The following MGAT5 variants were observed in gnomAD, a reference collection of about 807,000 sequenced individuals.
The protein encoded by MGAT5 is alpha-1,6-mannosylglycoprotein 6-beta-N-acetylglucosaminyltransferase A.
In MGAT5, 30 loss-of-function variants were observed where a neutral mutation model predicts 94.3. The observed-to-expected ratio is 0.32, with a 90% CI of 0.24 to 0.43. The LOEUF (loss-of-function observed/expected upper bound fraction) is 0.43. Among genes scored for constraint, MGAT5 ranks in the 20% least tolerant of loss-of-function variants. The pLI, the probability that MGAT5 is intolerant of heterozygous loss-of-function variation, is 1.00. For missense variants in MGAT5, 691 were observed against 905.5 expected, an observed-to-expected ratio of 0.76 and a Z score of 3.04; for synonymous variants, 310 against 322.9, an observed-to-expected ratio of 0.96 and a Z score of 0.43.
chr2:134,437,364 TAA>T (rs1685220158), intron 14 of MGAT5, among the ~76,000 whole-genome samples: 1 of 152,158 alleles, frequency 6.6e-6, no homozygotes, highest in Non-Finnish European at 1.5e-5. Flanking sequence ...GCCAAGTTTC[TAA>T]AGAGTCTTCA....
intron 1 of MGAT5, among the ~76,000 whole-genome samples, chr2:134,169,425 CACACACACACACACATAT>C (rs1341661710): frequency 5.8e-4 from 88 of 151,612 alleles, no homozygotes; most frequent in African/African-American, 2.1e-3. Flanking sequence ...CACACACACA[CACACACACACACACATAT>C]ATAAAAGATT....
chr2:134,394,169 A>T (rs1238848297), intron 10 of MGAT5, among the ~76,000 whole-genome samples: 1 of 152,194 alleles, frequency 6.6e-6, no homozygotes, highest in Non-Finnish European at 1.5e-5. Context: ...GAGCTGCCAA[A>T]TGTGATTTTG....
chr2:134,254,568 A>G lies in MGAT5; in HGVS notation c.165A>G (p.Lys55=). The G allele has an allele frequency of 6.2e-7, 1 of 1,614,190 alleles. No individual in the cohort carries two copies. The highest frequency in any genetic ancestry group is 8.5e-7 in the Non-Finnish European group (1 of 1,180,028). Residue 55 remains lysine, a synonymous_variant, in exon 1 of 16, where the codon AAA becomes AAG. Transcript: ENST00000281923. ...GCGAGCAGATCCTGGACCTCAGCAA[A>G]AGGTACATCAAGGCACTGGCAGAAG... ...MLREQILDLS[K]RYIKALAEEN...
chr2:134,144,009 T>C (rs1235299549), intron 1 of MGAT5, among the ~76,000 whole-genome samples: 1 of 151,880 alleles, frequency 6.6e-6, no homozygotes, highest in Non-Finnish European at 1.5e-5. Flanking sequence ...AAAGAAGTGA[T>C]TCTGGGATGC....
At position 134,266,348 on chromosome 2, in the gene MGAT5, G is replaced by A. The variant is rs566352147; in HGVS notation, c.242-4038G>A. On this transcript the variant is annotated intron_variant, in intron 1 of 15. Coordinates refer to ENST00000281923, the MANE Select transcript of MGAT5 (RefSeq NM_002410.5). ...CGATTCTCCTGCCTCAGCTTTCCGA[G>A]TAGTTGGGACTACAGGCACACGCCA... Among the ~76,000 whole-genome samples the A allele has an allele frequency of 2.0e-5, 3 of 152,138 alleles. No individual in the cohort carries two copies. In the East Asian group the frequency reaches 5.9e-4, roughly 30 times the overall value.
At chr2:134,137,334 T>C (rs1396063613) in intron 1 of MGAT5, among the ~76,000 whole-genome samples, 1 of 152,210 alleles carries the variant, frequency 6.6e-6, no homozygotes, top group Non-Finnish European at 1.5e-5. Flanking sequence ...ATGCACTTCC[T>C]CTTGGCTTCC....
chr2:134,440,495 C>T (rs937182682), intron 14 of MGAT5, among the ~76,000 whole-genome samples: 25 of 152,114 alleles, frequency 1.6e-4, no homozygotes, highest in East Asian at 3.8e-4. Context: ...AGTGGGGGTG[C>T]GCATGAATGC....
intron 1 of MGAT5, among the ~76,000 whole-genome samples, chr2:134,257,006 G>T (rs765921874): frequency 1.3e-5 from 2 of 152,082 alleles, no homozygotes; most frequent in Non-Finnish European, 2.9e-5. Flanking sequence ...TTGACTTTTG[G>T]TCTAAATAGG....
chr2:134,221,709 G>A (rs2105354211), intron 1 of MGAT5, among the ~76,000 whole-genome samples: 1 of 152,284 alleles, frequency 6.6e-6, no homozygotes, highest in Admixed American at 6.5e-5. Context: ...GAGTCAGAGT[G>A]GAAAGTTAAG....
At chr2:134,327,746 T>G (rs1458186281) in intron 4 of MGAT5, among the ~76,000 whole-genome samples, 1 of 152,110 alleles carries the variant, frequency 6.6e-6, no homozygotes, top group Admixed American at 6.6e-5. Flanking sequence ...CTCTGTAATA[T>G]TATGAGAACA....
chr2:134,416,628 C>T (rs1033779721), intron 12 of MGAT5, among the ~76,000 whole-genome samples: 1 of 151,956 alleles, frequency 6.6e-6, no homozygotes, highest in African/African-American at 2.4e-5. Context: ...TGTGCCACGA[C>T]ACCTCGCTAC....
At chr2:134,324,906 G>T (rs985438074) in intron 4 of MGAT5, among the ~76,000 whole-genome samples, 5 of 151,712 alleles carry the variant, frequency 3.3e-5, no homozygotes, top group African/African-American at 1.2e-4. Context: ...TTATGATCAT[G>T]TTCTTTTCAC....
rs529721409 is a variant in MGAT5 at position 134,389,307 on chromosome 2, G to A, written c.1381-13681G>A. Among the ~76,000 whole-genome samples, 3 of 152,258 alleles carry A rather than the reference G, an allele frequency of 2.0e-5. No homozygotes were observed. The East Asian group carries it at 5.8e-4, about 29-fold the overall frequency. On this transcript the variant is annotated intron_variant, in intron 10 of 15. Transcript: ENST00000281923. ...ATTGCATTCTATGCTGACGAGTAAT[G>A]CTATATTGACTAGTAAATATAGCTT...
chr2:134,280,051 G>C (rs969581770), intron 2 of MGAT5, among the ~76,000 whole-genome samples: 1 of 152,166 alleles, frequency 6.6e-6, no homozygotes, highest in Non-Finnish European at 1.5e-5. Context: ...GGTTTTGAGA[G>C]ATTTTCCTTT....
intron 1 of MGAT5, among the ~76,000 whole-genome samples, chr2:134,171,966 C>T (rs1688232779): frequency 6.6e-6 from 1 of 152,170 alleles, no homozygotes; most frequent in African/African-American, 2.4e-5. Context: ...CTTGGTACCA[C>T]CCATAATCCT....
intron 1 of MGAT5, among the ~76,000 whole-genome samples, chr2:134,199,615 C>T (rs1679672986): frequency 6.6e-6 from 1 of 152,102 alleles, no homozygotes; most frequent in Non-Finnish European, 1.5e-5. Context: ...GTTCTATCGG[C>T]TGCTCCAACA....
At chr2:134,301,062 A>G (rs1352012124) in intron 2 of MGAT5, among the ~76,000 whole-genome samples, 1 of 152,148 alleles carries the variant, frequency 6.6e-6, no homozygotes, top group African/African-American at 2.4e-5. Context: ...TCTGATTTCA[A>G]TCACCATAGG....
At chr2:134,424,532 A>T (rs1294414001) in intron 13 of MGAT5, among the ~76,000 whole-genome samples, 3 of 152,156 alleles carry the variant, frequency 2.0e-5, no homozygotes, top group Non-Finnish European at 4.4e-5. Flanking sequence ...GCTGCCTCAA[A>T]ATATCTGCCA....
At chr2:134,437,617 C>CT (rs949748972) in intron 14 of MGAT5, among the ~76,000 whole-genome samples, 1 of 152,162 alleles carries the variant, frequency 6.6e-6, no homozygotes, top group Non-Finnish European at 1.5e-5. Flanking sequence ...TCCCGGTTGA[C>CT]TTATCTTTTC....
Sources: allele counts gnomAD v4.1 joint callset (sites outside exome capture counted in the v4.1 genomes callset), GRCh38; gene constraint gnomAD v4.1.1; transcripts MANE v1.5; gene names NCBI Gene and HGNC (gene_info 2026-07-23, HGNC 2026-07-21).